Variants in ALDH1A2 observed in about 807,000 individuals in gnomAD.
ALDH1A2 encodes the protein retinal dehydrogenase 2.
A neutral mutation model predicts 60.3 loss-of-function variants in ALDH1A2; 27 were observed. The ratio of observed to expected loss-of-function variants is 0.45; its 90% CI spans 0.33 to 0.62. The LOEUF (loss-of-function observed/expected upper bound fraction) is 0.62. Ranked by LOEUF, ALDH1A2 falls within the 20% of genes least tolerant of loss-of-function variation. ALDH1A2 has a pLI of 0.02. For missense variants in ALDH1A2, 581 were observed against 643.8 expected (o/e 0.90, Z 1.06); for synonymous variants, 289 against 232.4 (o/e 1.24, Z -2.21).
chr15:57,993,039 A>G lies in ALDH1A2; in HGVS notation c.590T>C (p.Ile197Thr), dbSNP rs1389877799. ...ATTGCCACAGCACAAAGCTGGAGCT[A>G]TTTTCCAGGCAAACATCAGCAGGGG... ...NFPLLMFAWK[I>T]APALCCGNTV... is the part of the protein sequence containing the mutation. The change falls in exon 6 of 13, where the codon ATA becomes ACA. Residue 197 changes from isoleucine (I) to threonine (T), a missense_variant. Transcript: ENST00000249750. 1.6e-5 allele frequency: 26 copies of G among 1,613,044 alleles called. No individual in the cohort carries two copies. Among genetic ancestry groups the G allele is most frequent in the Non-Finnish European group, 2.2e-5 (26 of 1,179,940 alleles).
At chr15:58,019,813 T>G in intron 1 of ALDH1A2, among the ~76,000 whole-genome samples, 1 of 152,158 alleles carries the variant, frequency 6.6e-6, no homozygotes. Flanking sequence ...ACTTTCTTTT[T>G]TATTATTATT....
At chr15:58,033,840 ATTT>A (rs1265987233) in intron 1 of ALDH1A2, among the ~76,000 whole-genome samples, 1 of 112,108 alleles carries the variant, frequency 8.9e-6, no homozygotes, top group East Asian at 2.3e-4. Context: ...TATTTCACTT[ATTT>A]TTCTGTATTT....
chr15:57,983,819 A>G (rs958436494), intron 7 of ALDH1A2, among the ~76,000 whole-genome samples: 2 of 152,190 alleles, frequency 1.3e-5, no homozygotes, highest in African/African-American at 2.4e-5. Context: ...TCCAAGATCT[A>G]TAAGTGCTTG....
rs1415748880 is a variant in ALDH1A2 at position 57,953,781 on chromosome 15, T to G, written c.*1416A>C. 6.6e-6 allele frequency: 1 copy of G among 152,382 alleles called. No homozygotes were observed. The highest frequency in any genetic ancestry group is 1.5e-5 in the Non-Finnish European group (1 of 68,052). The allele number at this position is 152,382 out of a possible 1,614,324, so 9.4% of individuals were successfully genotyped here. A position where few individuals can be genotyped will look rare whatever the true frequency, so the allele number is the denominator to read the frequency against. On this transcript the variant is annotated 3_prime_UTR_variant, in exon 13 of 13. Coordinates refer to ENST00000249750, the MANE Select transcript of ALDH1A2 (RefSeq NM_003888.4). Reference sequence around the variant, plus strand: ...GAAGGCTATATATATGTTGCCCATATTCCACATACTCTGGGTTATGTTTGG... The same window carrying G: ...GAAGGCTATATATATGTTGCCCATAGTCCACATACTCTGGGTTATGTTTGG...
In ALDH1A2 at chr15:58,009,327, A is replaced by C. The variant is rs75249006; in HGVS notation, c.493+1322T>G. Among the ~76,000 whole-genome samples, 376 of 152,050 alleles carry C rather than the reference A, an allele frequency of 2.5e-3. 2 individuals carry two copies. Among genetic ancestry groups the C allele is most frequent in the African/African-American group, 8.9e-3 (369 of 41,486 alleles). On this transcript the variant is annotated intron_variant, in intron 4 of 12. Coordinates refer to ENST00000249750, the MANE Select transcript of ALDH1A2 (RefSeq NM_003888.4). The stretch of plus-strand genomic sequence containing the variant: ...CCACCCCAGACTTATTCAGTCAAAA[A>C]CTGCACTTGAAAAAGACCCTCAGTG...
intron 1 of ALDH1A2, among the ~76,000 whole-genome samples, chr15:58,015,243 C>T (rs1895758275): frequency 6.6e-6 from 1 of 152,090 alleles, no homozygotes; most frequent in African/African-American, 2.4e-5. Context: ...TATTTAGTGC[C>T]TGCCATTTAA....
chr15:58,041,243 T>C (rs533587842), intron 1 of ALDH1A2, among the ~76,000 whole-genome samples: 74 of 152,004 alleles, frequency 4.9e-4, no homozygotes, highest in Admixed American at 1.3e-3. Flanking sequence ...AAATAAAACA[T>C]ATAGAGAAAA....
intron 7 of ALDH1A2, among the ~76,000 whole-genome samples, chr15:57,988,521 T>C (rs1476734369): frequency 6.6e-6 from 1 of 152,216 alleles, no homozygotes; most frequent in Non-Finnish European, 1.5e-5. Context: ...ATTCCATTTA[T>C]ATGAAATTCT....
At chr15:58,055,700 T>C (rs1896878340) in intron 1 of ALDH1A2, among the ~76,000 whole-genome samples, 1 of 152,078 alleles carries the variant, frequency 6.6e-6, no homozygotes, top group Non-Finnish European at 1.5e-5. Context: ...GAGATACACA[T>C]GTATGAACCA....
In ALDH1A2 at chr15:57,954,988, T is replaced by G. The variant is rs959721455; in HGVS notation, c.*209A>C. 1 of 615,186 alleles carries G rather than the reference T, an allele frequency of 1.6e-6. No individual in the cohort carries two copies. The highest frequency in any genetic ancestry group is 2.9e-6 in the Non-Finnish European group (1 of 343,832). 38.1% of individuals were successfully genotyped at this position (615,186 alleles called of 1,614,324 possible). A position where few individuals can be genotyped will look rare whatever the true frequency, so the allele number is the denominator to read the frequency against. ...ATCCCACTTTCCCCAATATTTGGTA[T>G]GATTAAGGTGGCCCCTTACAGAGTG... On this transcript the variant is annotated 3_prime_UTR_variant, in exon 13 of 13. Transcript: ENST00000249750.
chr15:58,062,015 G>T (rs1456185443), intron 1 of ALDH1A2, among the ~76,000 whole-genome samples: 1 of 152,034 alleles, frequency 6.6e-6, no homozygotes, highest in Admixed American at 6.6e-5. Context: ...CCACTCAAAT[G>T]CCTTTTGAAT....
At chr15:57,965,601 G>T in intron 8 of ALDH1A2, 124 bp downstream of exon 8, 1 of 814,670 alleles carries the variant, frequency 1.2e-6, no homozygotes, top group Admixed American at 1.8e-5. Flanking sequence ...CTCCTTAGAG[G>T]AGATCTTTTT....
intron 1 of ALDH1A2, among the ~76,000 whole-genome samples, chr15:58,022,479 A>T (rs530494824): frequency 5.6e-4 from 86 of 152,270 alleles, no homozygotes; most frequent in African/African-American, 1.9e-3. Context: ...CAAGCTGCCT[A>T]GGGACCTGAG....
At chr15:58,037,713 T>C (rs943850802) in intron 1 of ALDH1A2, among the ~76,000 whole-genome samples, 1 of 151,736 alleles carries the variant, frequency 6.6e-6, no homozygotes, top group Admixed American at 6.6e-5. Context: ...GAAATTGTAC[T>C]GTCTGGAAGT....
At chr15:57,976,277 C>T (rs1894253627) in intron 7 of ALDH1A2, among the ~76,000 whole-genome samples, 1 of 152,196 alleles carries the variant, frequency 6.6e-6, no homozygotes, top group African/African-American at 2.4e-5. Context: ...CAGGCATCTT[C>T]TTCCAGCACT....
At chr15:57,980,577 G>T in intron 7 of ALDH1A2, 1 of 274,746 alleles carries the variant, frequency 3.6e-6, no homozygotes, top group East Asian at 9.9e-5. Context: ...TCATATTTGG[G>T]CAGGAGCCAG....
chr15:57,961,782 CTAA>C lies in ALDH1A2; in HGVS notation c.1251+227_1251+229del, dbSNP rs4646630. Among the ~76,000 whole-genome samples the C allele has an allele frequency of 0.054, 8,262 of 152,258 alleles. 274 individuals are homozygous for C. Among genetic ancestry groups the C allele is most frequent in the East Asian group, 0.11 (559 of 5,182 alleles). On this transcript the variant is annotated intron_variant, in intron 10 of 12. Coordinates refer to ENST00000249750, the MANE Select transcript of ALDH1A2 (RefSeq NM_003888.4). ...CAGGCTATTCTGATTGTTCTGTTGGCTAATAATAATCATAAGCACATAGCATGT... is the reference window on the plus strand; with the variant it reads ...CAGGCTATTCTGATTGTTCTGTTGGCTAATAATCATAAGCACATAGCATGT...
intron 1 of ALDH1A2, among the ~76,000 whole-genome samples, chr15:58,028,475 A>G (rs766055310): frequency 1.4e-4 from 21 of 152,226 alleles, no homozygotes; most frequent in Non-Finnish European, 3.1e-4. Flanking sequence ...CATCCATGCT[A>G]TGAAGAAACT....
chr15:58,042,813 G>A (rs1356990673), intron 1 of ALDH1A2, among the ~76,000 whole-genome samples: 1 of 151,872 alleles, frequency 6.6e-6, no homozygotes, highest in Admixed American at 6.6e-5. Context: ...AATGAAGGTG[G>A]TTCACAAGGA....
Sources: gnomAD v4.1 joint callset for allele counts (sites outside exome capture counted in the v4.1 genomes callset) on GRCh38, gnomAD v4.1.1 for gene constraint, MANE v1.5 for transcripts, NCBI Gene and HGNC (gene_info 2026-07-23, HGNC 2026-07-21) for gene names.